Variants in KCNH8 observed in about 807,000 individuals in gnomAD.
KCNH8 encodes voltage-gated delayed rectifier potassium channel KCNH8.
In KCNH8, 70 loss-of-function variants were observed where a neutral mutation model predicts 103.6. That is an observed-to-expected ratio of 0.68 (90% confidence interval 0.56 to 0.82). The LOEUF (loss-of-function observed/expected upper bound fraction) is 0.82, where lower values mean the gene tolerates loss of function less well. Among genes scored for constraint, KCNH8 ranks in the 40% least tolerant of loss-of-function variants. The pLI is 0.00. For missense variants in KCNH8, 1,217 were observed against 1,329.9 expected (o/e 0.92, Z 1.32); for synonymous variants, 498 against 489.4 (o/e 1.02, Z -0.23).
intron 1 of KCNH8, among the ~76,000 whole-genome samples, chr3:19,197,438 C>T (rs2063613139): frequency 6.6e-6 from 1 of 152,070 alleles, no homozygotes; most frequent in African/African-American, 2.4e-5. Flanking sequence ...GCATTGGAGC[C>T]ATTGTTGCCT....
At chr3:19,235,624 G>T (rs986006648) in intron 1 of KCNH8, among the ~76,000 whole-genome samples, 1 of 152,104 alleles carries the variant, frequency 6.6e-6, no homozygotes, top group Admixed American at 6.5e-5. Flanking sequence ...TAAGAATAAC[G>T]ATATAACAAT....
At chr3:19,242,127 G>C (rs949744025) in intron 1 of KCNH8, among the ~76,000 whole-genome samples, 14 of 152,140 alleles carry the variant, frequency 9.2e-5, no homozygotes, top group Non-Finnish European at 1.9e-4. Context: ...GGGTATTCCA[G>C]GCCATGAAAG....
chr3:19,484,292 G>T (rs1332014961), intron 11 of KCNH8, among the ~76,000 whole-genome samples: 1 of 152,108 alleles, frequency 6.6e-6, no homozygotes, highest in African/African-American at 2.4e-5. Flanking sequence ...TCCTTTTAAA[G>T]TTTCTAGGCA....
At chr3:19,282,567 TAGAA>T (rs1290940312) in intron 3 of KCNH8, among the ~76,000 whole-genome samples, 21 of 152,192 alleles carry the variant, frequency 1.4e-4, no homozygotes, top group African/African-American at 4.6e-4. Context: ...ACACAATCCT[TAGAA>T]AGAAATACAT....
chr3:19,378,549 G>A (rs565252156), intron 5 of KCNH8, among the ~76,000 whole-genome samples: 20 of 152,258 alleles, frequency 1.3e-4, no homozygotes, highest in African/African-American at 3.6e-4. Flanking sequence ...TTTGTTCTTC[G>A]TTTCTTTGTT....
In KCNH8 at chr3:19,534,154, T is replaced by G. The variant is rs950447228; in HGVS notation, c.*55T>G. On this transcript the variant is annotated 3_prime_UTR_variant, in exon 16 of 16. Coordinates refer to ENST00000328405, the MANE Select transcript of KCNH8 (RefSeq NM_144633.3). ...TCAAACCTACCACTGCATGACAGTT[T>G]TAGTTTGCCTTTTTGCCTCTGGTGG... 3 of 1,369,486 alleles carry G rather than the reference T, an allele frequency of 2.2e-6. No homozygotes were observed. The highest frequency in any genetic ancestry group is 3.0e-6 in the Non-Finnish European group (3 of 988,064). The allele number at this position is 1,369,486 out of a possible 1,614,324, so 84.8% of individuals were successfully genotyped here.
At chr3:19,481,412 C>A (rs1208380462) in intron 11 of KCNH8, among the ~76,000 whole-genome samples, 2 of 151,840 alleles carry the variant, frequency 1.3e-5, no homozygotes, top group Non-Finnish European at 2.9e-5. Context: ...AAAAAGTTAT[C>A]CCCAGTAGAG....
In KCNH8 at chr3:19,341,690, T is replaced by C. The variant is rs146381648; in HGVS notation, c.443-897T>C. 4.6e-5 allele frequency among the ~76,000 whole-genome samples: 7 copies of C among 152,156 alleles called. No individual in the cohort carries two copies. The East Asian group carries it at 1.2e-3, about 25-fold the overall frequency. ...CAGAAAAATCAATACAAATGAACAATAAATATTTAAAGCATGCTCATCCAC... is the reference window on the plus strand; with the variant it reads ...CAGAAAAATCAATACAAATGAACAACAAATATTTAAAGCATGCTCATCCAC... On this transcript the variant is annotated intron_variant, in intron 3 of 15. Coordinates refer to ENST00000328405, the MANE Select transcript of KCNH8 (RefSeq NM_144633.3).
intron 1 of KCNH8, among the ~76,000 whole-genome samples, chr3:19,240,762 T>C (rs2125244685): frequency 6.6e-6 from 1 of 152,330 alleles, no homozygotes; most frequent in Middle Eastern, 3.4e-3. Context: ...TTCCATCTCA[T>C]AAGATACACC....
intron 7 of KCNH8, among the ~76,000 whole-genome samples, chr3:19,419,459 C>T (rs2066918923): frequency 6.6e-6 from 1 of 151,964 alleles, no homozygotes; most frequent in African/African-American, 2.4e-5. Flanking sequence ...CTCGGCCTCC[C>T]AAAGTGCTGG....
chr3:19,203,789 A>G (rs561476027), intron 1 of KCNH8, among the ~76,000 whole-genome samples: 1 of 152,230 alleles, frequency 6.6e-6, no homozygotes, highest in Non-Finnish European at 1.5e-5. Context: ...AGGTTTTACA[A>G]TGCTTTTTAA....
At chr3:19,266,630 A>G (rs925344476) in intron 2 of KCNH8, among the ~76,000 whole-genome samples, 1 of 152,120 alleles carries the variant, frequency 6.6e-6, no homozygotes, top group East Asian at 1.9e-4. Flanking sequence ...AGTGCCTAGA[A>G]TAGTTCCTGA....
At chr3:19,498,535 G>A (rs1479064546) in intron 11 of KCNH8, among the ~76,000 whole-genome samples, 1 of 151,996 alleles carries the variant, frequency 6.6e-6, no homozygotes, top group Non-Finnish European at 1.5e-5. Flanking sequence ...AATTCTTGGT[G>A]GAAAATTATT....
chr3:19,293,328 G>A lies in KCNH8; in HGVS notation c.442+11999G>A, dbSNP rs143605691. Reference sequence around the variant, plus strand: ...TGGAAAGAAAGGTGGGCTTATCTCCGTTTCTTCCCCAAACCCCTACAAGCA... The same window carrying A: ...TGGAAAGAAAGGTGGGCTTATCTCCATTTCTTCCCCAAACCCCTACAAGCA... On this transcript the variant is annotated intron_variant, in intron 3 of 15. Transcript: ENST00000328405. Among the ~76,000 whole-genome samples, 430 of 152,244 alleles carry A rather than the reference G, an allele frequency of 2.8e-3. 6 individuals carry two copies. The highest frequency in any genetic ancestry group is 9.6e-3 in the African/African-American group (398 of 41,548).
chr3:19,426,235 C>T (rs1575053117), intron 7 of KCNH8, among the ~76,000 whole-genome samples: 1 of 152,080 alleles, frequency 6.6e-6, no homozygotes, highest in Non-Finnish European at 1.5e-5. Context: ...GTTGCTATGC[C>T]TCTTGCCACT....
intron 11 of KCNH8, among the ~76,000 whole-genome samples, chr3:19,488,507 T>C (rs1380078578): frequency 2.6e-5 from 4 of 152,262 alleles, no homozygotes; most frequent in Admixed American, 2.6e-4. Context: ...GTTAATCATG[T>C]GCTGATTTTC....
intron 11 of KCNH8, among the ~76,000 whole-genome samples, chr3:19,457,614 T>C (rs1423363038): frequency 2.6e-5 from 4 of 152,154 alleles, no homozygotes; most frequent in Middle Eastern, 3.4e-3. Flanking sequence ...ATTAGATGTC[T>C]CAGAGAGAGA....
At chr3:19,228,123 C>T (rs920129331) in intron 1 of KCNH8, among the ~76,000 whole-genome samples, 1 of 152,130 alleles carries the variant, frequency 6.6e-6, no homozygotes, top group Non-Finnish European at 1.5e-5. Flanking sequence ...CCTGTGCATA[C>T]CCTGTGGGCC....
intron 1 of KCNH8, among the ~76,000 whole-genome samples, chr3:19,189,417 T>C (rs2063530941): frequency 6.6e-6 from 1 of 151,986 alleles, no homozygotes; most frequent in African/African-American, 2.4e-5. Context: ...TATATAGCAG[T>C]TCATATTGTG....
Sources: allele counts gnomAD v4.1 joint callset (sites outside exome capture counted in the v4.1 genomes callset), GRCh38; gene constraint gnomAD v4.1.1; transcripts MANE v1.5; gene names NCBI Gene and HGNC (gene_info 2026-07-23, HGNC 2026-07-21).